The following FBXO46 variants were observed in gnomAD, a reference collection of about 807,000 sequenced individuals.
FBXO46 encodes F-box only protein 46.
In FBXO46, 13 loss-of-function variants were observed where a neutral mutation model predicts 30.7. That is an observed-to-expected ratio of 0.42 (90% confidence interval 0.28 to 0.67). The LOEUF (loss-of-function observed/expected upper bound fraction) is 0.67, where lower values mean the gene tolerates loss of function less well. Among genes scored for constraint, FBXO46 ranks in the 30% least tolerant of loss-of-function variants. The pLI is 0.21. For missense variants in FBXO46, 754 were observed against 871.5 expected, an observed-to-expected ratio of 0.87 and a Z score of 1.70; for synonymous variants, 467 against 385.8, an observed-to-expected ratio of 1.21 and a Z score of -2.47.
At chr19:45,723,247 C>T (rs891729144) in intron 1 of FBXO46, among the ~76,000 whole-genome samples, 2 of 151,932 alleles carry the variant, frequency 1.3e-5, no homozygotes, top group Admixed American at 1.3e-4. Flanking sequence ...GTGGCATGAG[C>T]CTGTAGTTCC....
At chr19:45,718,352 A>G (rs1276781950) in intron 1 of FBXO46, among the ~76,000 whole-genome samples, 1 of 152,168 alleles carries the variant, frequency 6.6e-6, no homozygotes, top group East Asian at 1.9e-4. Flanking sequence ...CTGATTTCCT[A>G]GTCACTGTGC....
chr19:45,715,042 C>T (rs1245750302), intron 1 of FBXO46: 1 of 152,188 alleles, frequency 6.6e-6, no homozygotes, highest in Non-Finnish European at 1.5e-5. Context: ...AAAAGAGGCT[C>T]TCAACTTGAT....
At chr19:45,722,694 G>A (rs34388571) in intron 1 of FBXO46, among the ~76,000 whole-genome samples, 67,842 of 151,078 alleles carry the variant, frequency 0.45, 15,806 homozygotes, top group East Asian at 0.64. Context: ...CCCGGGAGGC[G>A]GAGCTTGCAG....
In FBXO46 at chr19:45,712,808, C is replaced by A; in HGVS notation, c.688G>T (p.Ala230Ser). Residue 230 changes from alanine (A) to serine (S), a missense_variant, in exon 2 of 2, where the codon GCC (alanine) becomes TCC (serine). Physicochemically the swap from Ala to Ser is moderately conservative, Grantham distance 99 (BLOSUM62 1). This residue lies in a region of FBXO46 where 454 missense variants were observed against 426.5 expected (regional missense o/e 1.06). Transcript: ENST00000317683. This position sits in a 1 kb window ranked among gnomAD's most constrained non-coding sequence, Gnocchi z 8.8. ...CTCTGCGCTTCAAAGTGGGCCACGGCCTCGGCTACACGGCTGCAGTCCCCA... is the reference window on the plus strand; with the variant it reads ...CTCTGCGCTTCAAAGTGGGCCACGGACTCGGCTACACGGCTGCAGTCCCCA... ...GGGDCSRVAE[A>S]VAHFEAQRDS... 8.1e-6 allele frequency: 13 copies of A among 1,612,466 alleles called. No individual in the cohort carries two copies. Among genetic ancestry groups the A allele is most frequent in the Non-Finnish European group, 1.1e-5 (13 of 1,179,320 alleles).
At chr19:45,718,181 C>G (rs1235849812) in intron 1 of FBXO46, among the ~76,000 whole-genome samples, 1 of 152,154 alleles carries the variant, frequency 6.6e-6, no homozygotes, top group Non-Finnish European at 1.5e-5. Flanking sequence ...TGGTGGGCAC[C>G]TGATCTGGCA....
In FBXO46 at chr19:45,711,876, G is replaced by T. The variant is rs1967977215; in HGVS notation, c.1620C>A (p.Gly540=). ...GGTGCCAGCGGCAGAGCGACACGTC[G>T]CCCTTCTCGTATCTCTTGCGGCACT... is the stretch of plus-strand genomic sequence containing the variant. The part of the protein sequence containing the change: ...CKQCRKRYEK[G]DVSLCRWHPK... Residue 540 remains glycine (G), a synonymous_variant, in exon 2 of 2, where the codon GGC becomes GGA. Transcript: ENST00000317683. The T allele has an allele frequency of 6.2e-7, 1 of 1,613,696 alleles. No individual in the cohort carries two copies. Among genetic ancestry groups the T allele is most frequent in the East Asian group, 2.2e-5 (1 of 44,874 alleles).
intron 1 of FBXO46, among the ~76,000 whole-genome samples, chr19:45,726,171 G>A (rs759619165): frequency 1.6e-4 from 25 of 151,870 alleles, no homozygotes; most frequent in Admixed American, 3.9e-4. Flanking sequence ...GTGAGAACCC[G>A]TCTCTACAAA....
intron 1 of FBXO46, among the ~76,000 whole-genome samples, chr19:45,723,047 C>T (rs1215293784): frequency 6.6e-6 from 1 of 151,794 alleles, no homozygotes; most frequent in African/African-American, 2.4e-5. Context: ...GAGGGAGACT[C>T]CATCTCAAAA....
At chr19:45,731,797 C>A (rs898288676), upstream of FBXO46, among the ~76,000 whole-genome samples, 2 of 151,426 alleles carry the variant, frequency 1.3e-5, no homozygotes, top group East Asian at 2.0e-4. Context: ...TCAGCCTGGG[C>A]GACAGAATGA....
intron 1 of FBXO46, chr19:45,716,278 A>G (rs1968089756): frequency 6.6e-6 from 1 of 152,144 alleles, no homozygotes; most frequent in South Asian, 2.1e-4. Flanking sequence ...TGACCTGTAT[A>G]ACCAACTGCC....
chr19:45,722,774 A>G (rs1195719296), intron 1 of FBXO46, among the ~76,000 whole-genome samples: 1 of 150,958 alleles, frequency 6.6e-6, no homozygotes, highest in Non-Finnish European at 1.5e-5. Context: ...AAAAAAAAAA[A>G]AGTGGGCTGG....
At chr19:45,720,516 G>A (rs1024810147) in intron 1 of FBXO46, among the ~76,000 whole-genome samples, 8 of 152,034 alleles carry the variant, frequency 5.3e-5, no homozygotes, top group African/African-American at 1.7e-4. Flanking sequence ...TGATCCACCC[G>A]CCTCAGCCTC....
chr19:45,724,069 G>C (rs1273647887), intron 1 of FBXO46, among the ~76,000 whole-genome samples: 1 of 152,066 alleles, frequency 6.6e-6, no homozygotes, highest in Non-Finnish European at 1.5e-5. Context: ...GTATGAGTAA[G>C]CTTCAGACAA....
Position 45,712,991 on chromosome 19 carries a change from G to C in FBXO46, c.505C>G (p.Leu169Val). The change falls in exon 2 of 2, where the codon CTG (leucine) becomes GTG (valine). Residue 169 changes from leucine (L) to valine (V), a missense_variant. Leu to Val is a conservative substitution (Grantham distance 32). This residue lies in a region of FBXO46 where 454 missense variants were observed against 426.5 expected (regional missense o/e 1.06). Coordinates refer to ENST00000317683, the MANE Select transcript of FBXO46 (RefSeq NM_001080469.2). The surrounding 1 kb of genome is among the most constrained non-coding windows in gnomAD (Gnocchi z 8.8). ...GCCACCATCTCGGCCACAGAGAGCA[G>C]GTCCACGTCCTCACCGGCTGAGGCG... is the stretch of plus-strand genomic sequence containing the variant. ...GPASAGEDVD[L>V]LSVAEMVALV... The C allele has an allele frequency of 6.4e-7, 1 of 1,572,382 alleles. No homozygotes were observed. The highest frequency in any genetic ancestry group is 8.6e-7 in the Non-Finnish European group (1 of 1,158,896).
At chr19:45,720,906 A>G (rs1968161051) in intron 1 of FBXO46, among the ~76,000 whole-genome samples, 1 of 151,802 alleles carries the variant, frequency 6.6e-6, no homozygotes, top group Non-Finnish European at 1.5e-5. Flanking sequence ...AGACAGGAGA[A>G]TCGGAGAATT....
chr19:45,732,083 C>G (rs1164259077), upstream of FBXO46, among the ~76,000 whole-genome samples: 1 of 150,674 alleles, frequency 6.6e-6, no homozygotes. Context: ...CGCCACTGCA[C>G]TCCAGCCTGG....
Position 45,711,962 on chromosome 19 carries a change from C to T in FBXO46, c.1534G>A (p.Val512Met). 1 of 1,612,970 alleles carries T rather than the reference C, an allele frequency of 6.2e-7. No individual in the cohort carries two copies. Among genetic ancestry groups the T allele is most frequent in the Non-Finnish European group, 8.5e-7 (1 of 1,179,746 alleles). ...CTCCAGCGCGAGTCTGTGGCCCGCA[C>T]GCCAAACGCCTCGATGATGCCCTTG... is the stretch of plus-strand genomic sequence containing the variant. ...HFKGIIEAFGVRATDSRWSRD... is the reference protein window; with the variant it reads ...HFKGIIEAFGMRATDSRWSRD... The change falls in exon 2 of 2, where the codon GTG becomes ATG. Residue 512 changes from valine (V) to methionine (M), a missense_variant. Around this residue, in one of 5 missense-constraint regions of FBXO46, gnomAD observed 162 missense variants for 258.7 expected, o/e 0.63. Coordinates refer to ENST00000317683, the MANE Select transcript of FBXO46 (RefSeq NM_001080469.2).
rs1016301583 is a variant in FBXO46, at chr19:45,712,368, C to T, written c.1128G>A (p.Glu376=). ...VDVVVTGVVD[E]CIFFGKDGTK... is the part of the protein sequence containing the mutation. ...TGCCGTCCTTGCCAAAGAAGATGCA[C>T]TCATCTACCACGCCCGTCACCACCA... The change falls in exon 2 of 2, where the codon GAG becomes GAA. Residue 376 remains glutamate, a synonymous_variant. Transcript: ENST00000317683. This position sits in a 1 kb window ranked among gnomAD's most constrained non-coding sequence, Gnocchi z 8.8. 5 of 1,603,298 alleles carry T rather than the reference C, an allele frequency of 3.1e-6. No homozygotes were observed. Among genetic ancestry groups the T allele is most frequent in the Middle Eastern group, 1.6e-4 (1 of 6,062 alleles).
Position 45,725,632 on chromosome 19 carries a change from G to A in FBXO46, c.-79+5217C>T, listed in dbSNP as rs1352620721. ...GCCTGCAGTCCCAGCTACTTGGAAG[G>A]CTGAGGTGGGAGGATGGCTTGAGCC... is the stretch of plus-strand genomic sequence containing the variant. On this transcript the variant is annotated intron_variant, in intron 1 of 1. Transcript: ENST00000317683. 5.3e-5 allele frequency among the ~76,000 whole-genome samples: 8 copies of A among 152,198 alleles called. No individual in the cohort carries two copies. The East Asian group carries it at 1.5e-3, about 29-fold the overall frequency.
Sources: allele counts gnomAD v4.1 joint callset (sites outside exome capture counted in the v4.1 genomes callset), GRCh38; gene constraint gnomAD v4.1.1; regional missense constraint gnomAD v4.1.1; non-coding constraint Gnocchi (gnomAD v3.1); transcripts MANE v1.5; gene names NCBI Gene and HGNC (gene_info 2026-07-23, HGNC 2026-07-21).